CCDC88C: variants seen among roughly 807,000 people sequenced by gnomAD.
The protein encoded by CCDC88C is protein Daple.
A neutral mutation model predicts 198.8 loss-of-function variants in CCDC88C; 131 were observed. The ratio of observed to expected loss-of-function variants is 0.66; its 90% CI spans 0.57 to 0.76. CCDC88C has a LOEUF of 0.76. Among genes scored for constraint, CCDC88C ranks in the 30% least tolerant of loss-of-function variants. The probability of loss-of-function intolerance (pLI) is 0.00; values close to 1 mark genes in which losing one functional copy is unlikely to be tolerated. For missense variants in CCDC88C, 2,553 were observed against 2,631.6 expected (o/e 0.97, Z 0.65); for synonymous variants, 1,166 against 1,114.7 (o/e 1.05, Z -0.92).
intron 3 of CCDC88C, among the ~76,000 whole-genome samples, chr14:91,398,613 C>T (rs1000385165): frequency 1.1e-4 from 17 of 152,066 alleles, no homozygotes; most frequent in Admixed American, 1.0e-3. Flanking sequence ...GCTATGATCG[C>T]GCCACTGCAC....
At chr14:91,335,592 T>TG (rs1442397048) in intron 10 of CCDC88C, among the ~76,000 whole-genome samples, 1 of 149,468 alleles carries the variant, frequency 6.7e-6, no homozygotes. Context: ...ACAGCACTGA[T>TG]GGTGTTGCAT....
In CCDC88C at chr14:91,325,282, G is replaced by A. The variant is rs565671198; in HGVS notation, c.1198-359C>T. Among the ~76,000 whole-genome samples, 1 of 152,294 alleles carries A rather than the reference G, an allele frequency of 6.6e-6. No homozygotes were observed. Among genetic ancestry groups the A allele is most frequent in the African/African-American group, 2.4e-5 (1 of 41,562 alleles). ...AACAGGCCTCTAAAGCTGTTAACAG[G>A]CTAACAAATCACAGCTCACCCCACA... On this transcript the variant is annotated intron_variant, in intron 11 of 29. Transcript: ENST00000389857. This position sits in a 1 kb window ranked among gnomAD's most constrained non-coding sequence, Gnocchi z 4.1.
chr14:91,277,925 G>C lies in CCDC88C; in HGVS notation c.5055C>G (p.Thr1685=). The part of the protein sequence containing the change: ...FLEESNRSSP[T]HDTPSCRDDL... ...AGTCCGTGTCCGGATCACTCACATG[G>C]GTGGGGGAGCTGCGGTTGCTCTCCT... The change falls in exon 29 of 30, where the codon ACC becomes ACG. Residue 1685 remains threonine, a synonymous_variant. Coordinates refer to ENST00000389857, the MANE Select transcript of CCDC88C (RefSeq NM_001080414.4). The C allele has an allele frequency of 6.7e-7, 1 of 1,501,938 alleles. No homozygotes were observed. Among genetic ancestry groups the C allele is most frequent in the Non-Finnish European group, 9.0e-7 (1 of 1,116,236 alleles). The allele number at this position is 1,501,938 out of a possible 1,614,324, so 93.0% of individuals were successfully genotyped here. A position where few individuals can be genotyped will look rare whatever the true frequency, so the allele number is the denominator to read the frequency against.
At chr14:91,301,635 T>G (rs1296198533) in intron 20 of CCDC88C, among the ~76,000 whole-genome samples, 1 of 152,204 alleles carries the variant, frequency 6.6e-6, no homozygotes, top group African/African-American at 2.4e-5. Context: ...GAGGATTGCT[T>G]GAAGCCGGGA....
intron 3 of CCDC88C, among the ~76,000 whole-genome samples, chr14:91,390,297 A>G (rs144829309): frequency 1.9e-3 from 295 of 152,248 alleles, no homozygotes; most frequent in African/African-American, 6.9e-3. Context: ...CGTCTGGCAC[A>G]TAGCCATATG....
At chr14:91,399,392 G>A (rs1283910144) in intron 3 of CCDC88C, among the ~76,000 whole-genome samples, 7 of 152,238 alleles carry the variant, frequency 4.6e-5, no homozygotes, top group Admixed American at 3.9e-4. Context: ...CCACATCTGG[G>A]CTGGATCCCC....
chr14:91,404,181 G>A (rs1312102866), intron 3 of CCDC88C, among the ~76,000 whole-genome samples: 1 of 152,126 alleles, frequency 6.6e-6, no homozygotes, highest in East Asian at 1.9e-4. Context: ...ACTGACCCAG[G>A]TGCTCTCTCT....
intron 29 of CCDC88C, among the ~76,000 whole-genome samples, chr14:91,276,562 C>T (rs550799658): frequency 7.9e-5 from 12 of 152,372 alleles, no homozygotes; most frequent in Middle Eastern, 3.4e-3. Context: ...CATAAGACTG[C>T]AGGTGCTCAA....
In CCDC88C at chr14:91,305,839, A is replaced by G; in HGVS notation, c.3283T>C (p.Leu1095=). Residue 1095 remains leucine, a synonymous_variant, in exon 19 of 30, where the codon TTG becomes CTG. Transcript: ENST00000389857. ...AAGGCGCTCTGTTTCTGCAGTGTCA[A>G]GATCTGGCTGCTGAAGGTCACGTTC... ...TQNVTFSSQI[L]TLQKQSAFLQ... The G allele has an allele frequency of 1.2e-6, 2 of 1,613,982 alleles. No individual in the cohort carries two copies. Among genetic ancestry groups the G allele is most frequent in the Non-Finnish European group, 1.7e-6 (2 of 1,179,882 alleles).
Position 91,417,718 on chromosome 14 carries a change from C to A in CCDC88C, c.-28G>T. 1 of 1,479,706 alleles carries A rather than the reference C, an allele frequency of 6.8e-7. No individual in the cohort carries two copies. Among genetic ancestry groups the A allele is most frequent in the Admixed American group, 2.2e-5 (1 of 44,892 alleles). The allele number at this position is 1,479,706 out of a possible 1,614,324, so 91.7% of individuals were successfully genotyped here. On this transcript the variant is annotated 5_prime_UTR_variant, in exon 1 of 30. Transcript: ENST00000389857. ...TGAGGCTGCGCCCGCCGGCTCCGCGCCCCCCGCCCCGCGTCCCCGTTCCCC... is the reference window on the plus strand; with the variant it reads ...TGAGGCTGCGCCCGCCGGCTCCGCGACCCCCGCCCCGCGTCCCCGTTCCCC...
rs900300513 is a variant in CCDC88C, at chr14:91,339,568, C to A, written c.625-106G>T. On this transcript the variant is annotated intron_variant, in intron 7 of 29. Coordinates refer to ENST00000389857, the MANE Select transcript of CCDC88C (RefSeq NM_001080414.4). The surrounding 1 kb of genome is among the most constrained non-coding windows in gnomAD (Gnocchi z 5.8). Reference sequence around the variant, plus strand: ...AACCGCCAAAAGACAGATATTTCAGCGGAGACTAAGAAACGAGGAGGAAGG... The same window carrying A: ...AACCGCCAAAAGACAGATATTTCAGAGGAGACTAAGAAACGAGGAGGAAGG... The A allele has an allele frequency of 5.3e-6, 6 of 1,132,488 alleles. No individual in the cohort carries two copies. Among genetic ancestry groups the A allele is most frequent in the Non-Finnish European group, 7.4e-6 (6 of 806,456 alleles). The allele number at this position is 1,132,488 out of a possible 1,614,324, so 70.2% of individuals were successfully genotyped here.
rs1215246684 is a variant in CCDC88C, at chr14:91,381,777, T to A, written c.271-22066A>T. 2.0e-5 allele frequency among the ~76,000 whole-genome samples: 3 copies of A among 152,184 alleles called. No individual in the cohort carries two copies. The highest frequency in any genetic ancestry group is 2.9e-5 in the Non-Finnish European group (2 of 68,026). The stretch of plus-strand genomic sequence containing the variant: ...TGAACCCAGGAGGCAGAGGTTGCGG[T>A]GAGCCAAGATCGTGCCAGCCAGGGC... On this transcript the variant is annotated intron_variant, in intron 3 of 29. Coordinates refer to ENST00000389857, the MANE Select transcript of CCDC88C (RefSeq NM_001080414.4). The surrounding 1 kb of genome is among the most constrained non-coding windows in gnomAD (Gnocchi z 4.2).
At chr14:91,294,897 ATC>A in intron 22 of CCDC88C, among the ~76,000 whole-genome samples, 1 of 152,274 alleles carries the variant, frequency 6.6e-6, no homozygotes, top group South Asian at 2.1e-4. Context: ...ACCTCAGGTG[ATC>A]CACCCGCTTC....
At position 91,279,475 on chromosome 14, in the gene CCDC88C, C is replaced by T. The variant is rs567869447; in HGVS notation, c.4700-169G>A. 3 of 579,852 alleles carry T rather than the reference C, an allele frequency of 5.2e-6. No individual in the cohort carries two copies. In the East Asian group the frequency reaches 8.6e-5, roughly 17 times the overall value. 35.9% of individuals were successfully genotyped at this position (579,852 alleles called of 1,614,324 possible). A position where few individuals can be genotyped will look rare whatever the true frequency, so the allele number is the denominator to read the frequency against. On this transcript the variant is annotated intron_variant, in intron 27 of 29. Transcript: ENST00000389857. The stretch of plus-strand genomic sequence containing the variant: ...CCTCTGCGCTCCAGTGAGGAAGCCT[C>T]ACTTCACCAACGGAGTGCTGGGCAC...
At chr14:91,360,252 T>TCACACACACACACA (rs57026211) in intron 3 of CCDC88C, among the ~76,000 whole-genome samples, 1,982 of 144,240 alleles carry the variant, frequency 0.014, 23 homozygotes, top group Non-Finnish European at 0.018. Flanking sequence ...GACCCCATCT[T>TCACACACACACACA]CACACACACA....
chr14:91,356,865 C>T (rs1894056877), intron 4 of CCDC88C, among the ~76,000 whole-genome samples: 2 of 151,946 alleles, frequency 1.3e-5, no homozygotes, highest in Non-Finnish European at 2.9e-5. Context: ...GAAGGGGAGA[C>T]ACCTGCAGGG....
intron 3 of CCDC88C, among the ~76,000 whole-genome samples, chr14:91,404,300 G>A (rs1886365055): frequency 1.3e-5 from 2 of 152,178 alleles, no homozygotes; most frequent in Admixed American, 1.3e-4. Context: ...TCCAGTCTGA[G>A]ACCCTGCCTT....
chr14:91,296,624 G>A (rs370622941), intron 22 of CCDC88C, among the ~76,000 whole-genome samples: 88 of 152,340 alleles, frequency 5.8e-4, no homozygotes, highest in African/African-American at 1.9e-3. Flanking sequence ...CCTGCGCCTC[G>A]GTTTCCTCAT....
At chr14:91,364,287 T>C (rs1438222293) in intron 3 of CCDC88C, among the ~76,000 whole-genome samples, 1 of 152,186 alleles carries the variant, frequency 6.6e-6, no homozygotes, top group Non-Finnish European at 1.5e-5. Context: ...CAGGGTAGAT[T>C]GCACTCCTCC....
Sources: gnomAD v4.1 joint callset for allele counts (sites outside exome capture counted in the v4.1 genomes callset) on GRCh38, gnomAD v4.1.1 for gene constraint, Gnocchi (gnomAD v3.1) non-coding constraint, MANE v1.5 for transcripts, NCBI Gene and HGNC (gene_info 2026-07-23, HGNC 2026-07-21) for gene names.